Variants in CARS1 observed in about 807,000 individuals in gnomAD.
CARS1 encodes cysteine--tRNA ligase, cytoplasmic.
A neutral mutation model predicts 106.2 loss-of-function variants in CARS1; 48 were observed. The observed-to-expected ratio is 0.45, with a 90% CI of 0.36 to 0.57. The LOEUF is 0.57. Ranked by LOEUF, CARS1 falls within the 20% of genes least tolerant of loss-of-function variation. CARS1 has a pLI of 0.00. For missense variants in CARS1, 968 were observed against 1,057.2 expected (o/e 0.92, Z 1.17); for synonymous variants, 409 against 403.4 (o/e 1.01, Z -0.17).
At chr11:3,012,137 T>A in intron 18 of CARS1, 58 bp downstream of exon 18, 1 of 1,475,052 alleles carries the variant, frequency 6.8e-7, no homozygotes, top group Non-Finnish European at 9.5e-7. Context: ...AGACGCCCGG[T>A]CCGGGGAGCC....
In CARS1 at chr11:3,000,973, C is replaced by T. The variant is rs1235856876; in HGVS notation, c.*141G>A. 17 of 923,080 alleles carry T rather than the reference C, an allele frequency of 1.8e-5. 1 individual carries two copies. In the East Asian group the frequency reaches 2.2e-4, roughly 12 times the overall value. The allele number at this position is 923,080 out of a possible 1,614,324, so 57.2% of individuals were successfully genotyped here. The stretch of plus-strand genomic sequence containing the variant: ...ATTATCAATGTCTCAGAGCCAACGA[C>T]GACACGAACCTACATGAACACAACT... On this transcript the variant is annotated 3_prime_UTR_variant, in exon 23 of 23. Transcript: ENST00000380525. This position sits in a 1 kb window ranked among gnomAD's most constrained non-coding sequence, Gnocchi z 7.1.
At position 3,039,379 on chromosome 11, in the gene CARS1, T is replaced by A. The variant is rs1854123355; in HGVS notation, c.553-87A>T. On this transcript the variant is annotated intron_variant, in intron 5 of 22. Coordinates refer to ENST00000380525, the MANE Select transcript of CARS1 (RefSeq NM_001014437.3). This position sits in a 1 kb window ranked among gnomAD's most constrained non-coding sequence, Gnocchi z 5.6. Reference sequence around the variant, plus strand: ...CAGGCCACTCTCTCCCTTGGCCAACTCTAAGTGAGGGTGAGGGTGGTGGGA... The same window carrying A: ...CAGGCCACTCTCTCCCTTGGCCAACACTAAGTGAGGGTGAGGGTGGTGGGA... The A allele has an allele frequency of 1.2e-6, 1 of 822,890 alleles. No homozygotes were observed. Among genetic ancestry groups the A allele is most frequent in the Admixed American group, 1.9e-5 (1 of 52,768 alleles). The allele number at this position is 822,890 out of a possible 1,614,324, so 51.0% of individuals were successfully genotyped here.
At position 3,037,248 on chromosome 11, in the gene CARS1, C is replaced by G. The variant is rs192028013; in HGVS notation, c.801+802G>C. ...CCGTGAAGTTTGGAAACAGGCGCAA[C>G]GAAGCGATCTGCTGAGTCAGGACAC... is the stretch of plus-strand genomic sequence containing the variant. On this transcript the variant is annotated intron_variant, in intron 7 of 22. Coordinates refer to ENST00000380525, the MANE Select transcript of CARS1 (RefSeq NM_001014437.3). This position sits in a 1 kb window ranked among gnomAD's most constrained non-coding sequence, Gnocchi z 5.9. 6.6e-6 allele frequency among the ~76,000 whole-genome samples: 1 copy of G among 152,148 alleles called. No homozygotes were observed. The highest frequency in any genetic ancestry group is 1.9e-4 in the East Asian group (1 of 5,192).
At position 3,029,548 on chromosome 11, in the gene CARS1, G is replaced by T; in HGVS notation, c.802-105C>A. ...TCAGTGCCCTGAATTCAAAGGTGCT[G>T]ACCTTGACCTGTGAAGAGCCACCGT... On this transcript the variant is annotated intron_variant, in intron 7 of 22. Transcript: ENST00000380525. This position sits in a 1 kb window ranked among gnomAD's most constrained non-coding sequence, Gnocchi z 5.9. The T allele has an allele frequency of 7.7e-7, 1 of 1,290,582 alleles. No homozygotes were observed. The highest frequency in any genetic ancestry group is 1.1e-6 in the Non-Finnish European group (1 of 935,796). 79.9% of individuals were successfully genotyped at this position (1,290,582 alleles called of 1,614,324 possible). A position where few individuals can be genotyped will look rare whatever the true frequency, so the allele number is the denominator to read the frequency against.
chr11:3,040,956 T>G lies in CARS1; in HGVS notation c.395A>C (p.Lys132Thr). 1 of 1,613,162 alleles carries G rather than the reference T, an allele frequency of 6.2e-7. No individual in the cohort carries two copies. The highest frequency in any genetic ancestry group is 8.5e-7 in the Non-Finnish European group (1 of 1,179,254). ...KEVFIPQDGK[K>T]VTWYCCGPTV... ...TGGCCCACAGCAATACCACGTCACC[T>G]TTTTCCCATCTTGAGGTATGAACAC... Residue 132 changes from lysine (K) to threonine (T), a missense_variant, in exon 4 of 23, where the codon AAG (lysine) becomes ACG (threonine). Coordinates refer to ENST00000380525, the MANE Select transcript of CARS1 (RefSeq NM_001014437.3). This position sits in a 1 kb window ranked among gnomAD's most constrained non-coding sequence, Gnocchi z 5.8.
In CARS1 at chr11:3,004,459, G is replaced by A. The variant is rs1565010507; in HGVS notation, c.2217+907C>T. 1.3e-5 allele frequency among the ~76,000 whole-genome samples: 2 copies of A among 152,168 alleles called. No homozygotes were observed. The highest frequency in any genetic ancestry group is 2.9e-5 in the Non-Finnish European group (2 of 68,026). ...TCCTCCCAGAGCCTCCTTCCTGAGA[G>A]CTGTGGCATCCAAACTCGCCCTCCA... On this transcript the variant is annotated intron_variant, in intron 20 of 22. Coordinates refer to ENST00000380525, the MANE Select transcript of CARS1 (RefSeq NM_001014437.3). This position sits in a 1 kb window ranked among gnomAD's most constrained non-coding sequence, Gnocchi z 5.2.
rs1172344222 is a variant in CARS1 at position 3,022,923 on chromosome 11, A to C, written c.1154-2591T>G. ...CAGAGCTAAGGCTACACTCCTTATG[A>C]CTCCCCATGGTGGGGGGAGGTTGCG... On this transcript the variant is annotated intron_variant, in intron 10 of 22. Transcript: ENST00000380525. This position sits in a 1 kb window ranked among gnomAD's most constrained non-coding sequence, Gnocchi z 4.9. 6.6e-6 allele frequency among the ~76,000 whole-genome samples: 1 copy of C among 152,146 alleles called. No homozygotes were observed. Among genetic ancestry groups the C allele is most frequent in the East Asian group, 1.9e-4 (1 of 5,186 alleles).
intron 1 of CARS1, among the ~76,000 whole-genome samples, chr11:3,054,419 G>T (rs1415221880): frequency 6.6e-6 from 1 of 152,220 alleles, no homozygotes; most frequent in African/African-American, 2.4e-5. Flanking sequence ...TACTGCCTAA[G>T]GCTCTTCAAA....
chr11:3,010,302 G>A (rs565874148), intron 18 of CARS1, among the ~76,000 whole-genome samples: 2 of 152,192 alleles, frequency 1.3e-5, no homozygotes, highest in Non-Finnish European at 2.9e-5. Context: ...CAGGGAGCTG[G>A]GGCCCGGGCT....
rs551182302 is a variant in CARS1 at position 3,034,422 on chromosome 11, T to C, written c.801+3628A>G. On this transcript the variant is annotated intron_variant, in intron 7 of 22. Transcript: ENST00000380525. This position sits in a 1 kb window ranked among gnomAD's most constrained non-coding sequence, Gnocchi z 6.3. ...TTTTAGTAGCAACGGGGTTTTGCCATGTTGGCCAGGCTGGTCTCAAACCCC... is the reference window on the plus strand; with the variant it reads ...TTTTAGTAGCAACGGGGTTTTGCCACGTTGGCCAGGCTGGTCTCAAACCCC... Among the ~76,000 whole-genome samples the C allele has an allele frequency of 6.6e-5, 10 of 152,270 alleles. No homozygotes were observed. The South Asian group carries it at 2.1e-3, about 32-fold the overall frequency.
Position 3,028,870 on chromosome 11 carries a change from C to G in CARS1, c.1031+126G>C. The G allele has an allele frequency of 2.8e-6, 2 of 719,956 alleles. No homozygotes were observed. The highest frequency in any genetic ancestry group is 4.9e-6 in the Non-Finnish European group (2 of 404,244). The allele number at this position is 719,956 out of a possible 1,614,324, so 44.6% of individuals were successfully genotyped here. ...AGTTGTAGGAGGAAGTCTGCTGGGACTTCTAGCTACGCAGCCCCAGAACAC... is the reference window on the plus strand; with the variant it reads ...AGTTGTAGGAGGAAGTCTGCTGGGAGTTCTAGCTACGCAGCCCCAGAACAC... On this transcript the variant is annotated intron_variant, in intron 9 of 22. Coordinates refer to ENST00000380525, the MANE Select transcript of CARS1 (RefSeq NM_001014437.3). The surrounding 1 kb of genome is among the most constrained non-coding windows in gnomAD (Gnocchi z 4.4).
chr11:3,041,588 C>T lies in CARS1; in HGVS notation c.366+577G>A, dbSNP rs181635798. On this transcript the variant is annotated intron_variant, in intron 3 of 22. Transcript: ENST00000380525. The surrounding 1 kb of genome is among the most constrained non-coding windows in gnomAD (Gnocchi z 4.9). ...AGGAAGGCCATGAACTCCCTCACAC[C>T]TGACTCTCTGTCTGCCAAACATGCT... is the stretch of plus-strand genomic sequence containing the variant. Among the ~76,000 whole-genome samples the T allele has an allele frequency of 6.6e-6, 1 of 152,248 alleles. No homozygotes were observed. The highest frequency in any genetic ancestry group is 1.9e-4 in the East Asian group (1 of 5,170).
chr11:3,029,696 CA>C lies in CARS1; in HGVS notation c.802-254del. The stretch of plus-strand genomic sequence containing the variant: ...GCCAAGGGGACTGTGGGTGCAGAGG[CA>C]AAAAGAGGTGGGAGGGCCGAGGTGG... On this transcript the variant is annotated intron_variant, in intron 7 of 22. Coordinates refer to ENST00000380525, the MANE Select transcript of CARS1 (RefSeq NM_001014437.3). This position sits in a 1 kb window ranked among gnomAD's most constrained non-coding sequence, Gnocchi z 5.9. 2.0e-6 allele frequency: 1 copy of C among 506,128 alleles called. No individual in the cohort carries two copies. The highest frequency in any genetic ancestry group is 3.5e-6 in the Non-Finnish European group (1 of 286,814). 31.4% of individuals were successfully genotyped at this position (506,128 alleles called of 1,614,324 possible).
chr11:3,025,457 A>G (rs1285156285), intron 10 of CARS1, among the ~76,000 whole-genome samples: 1 of 152,092 alleles, frequency 6.6e-6, no homozygotes, highest in African/African-American at 2.4e-5. Flanking sequence ...CGAACTCCCA[A>G]CCTCAGGTGA....
intron 2 of CARS1, among the ~76,000 whole-genome samples, chr11:3,042,950 G>A (rs1338803940): frequency 7.0e-6 from 1 of 141,992 alleles, no homozygotes; most frequent in Non-Finnish European, 1.6e-5. Flanking sequence ...TGCAGGAGTG[G>A]CTGGCTCCCA....
chr11:3,005,340 G>A lies in CARS1; in HGVS notation c.2217+26C>T, dbSNP rs933181. On this transcript the variant is annotated intron_variant, in intron 20 of 22. Transcript: ENST00000380525. ...TTTTTACATTTTCAACAAATATCAC[G>A]CTTAAGTCATTTTCACTTTACTCAC... 100,978 of 1,538,686 alleles carry A rather than the reference G, an allele frequency of 0.066. 3,968 individuals are homozygous for A. Among genetic ancestry groups the A allele is most frequent in the Non-Finnish European group, 0.078 (86,429 of 1,112,696 alleles).
Position 3,020,355 on chromosome 11 carries a change from G to C in CARS1, c.1154-23C>G, listed in dbSNP as rs1301498763. 6 of 1,481,876 alleles carry C rather than the reference G, an allele frequency of 4.0e-6. No homozygotes were observed. Among genetic ancestry groups the C allele is most frequent in the Non-Finnish European group, 5.7e-6 (6 of 1,060,022 alleles). 91.8% of individuals were successfully genotyped at this position (1,481,876 alleles called of 1,614,324 possible). Reference sequence around the variant, plus strand: ...CACCTGCAAACACGAGGGACGCCAGGCAAGGTCACTCAGCAGCACCCACAG... The same window carrying C: ...CACCTGCAAACACGAGGGACGCCAGCCAAGGTCACTCAGCAGCACCCACAG... On this transcript the variant is annotated intron_variant, in intron 10 of 22. Coordinates refer to ENST00000380525, the MANE Select transcript of CARS1 (RefSeq NM_001014437.3). The surrounding 1 kb of genome is among the most constrained non-coding windows in gnomAD (Gnocchi z 4.6).
Position 3,003,254 on chromosome 11 carries a change from C to T in CARS1, c.2218-654G>A, listed in dbSNP as rs763050383. ...CACGAACAGACATGCCCTCCACTGA[C>T]GGAAAAGGAGCAAGTTTGGGGAGTT... On this transcript the variant is annotated intron_variant, in intron 20 of 22. Transcript: ENST00000380525. The surrounding 1 kb of genome is among the most constrained non-coding windows in gnomAD (Gnocchi z 4.8). Among the ~76,000 whole-genome samples the T allele has an allele frequency of 3.3e-5, 5 of 152,192 alleles. No homozygotes were observed. Among genetic ancestry groups the T allele is most frequent in the Non-Finnish European group, 5.9e-5 (4 of 68,038 alleles).
intron 7 of CARS1, among the ~76,000 whole-genome samples, chr11:3,032,517 T>C (rs958258859): frequency 6.6e-6 from 1 of 152,164 alleles, no homozygotes; most frequent in Non-Finnish European, 1.5e-5. Flanking sequence ...AATTAAATTT[T>C]AGGACTCCCA....
Sources: gnomAD v4.1 joint callset for allele counts (sites outside exome capture counted in the v4.1 genomes callset) on GRCh38, gnomAD v4.1.1 for gene constraint, Gnocchi (gnomAD v3.1) non-coding constraint, MANE v1.5 for transcripts, NCBI Gene and HGNC (gene_info 2026-07-23, HGNC 2026-07-21) for gene names.